VILL: variants seen among roughly 807,000 people sequenced by gnomAD.
The protein encoded by VILL is villin-like protein.
In VILL, 102 loss-of-function variants were observed where a neutral mutation model predicts 106.3. The ratio of observed to expected loss-of-function variants is 0.96; its 90% CI spans 0.82 to 1.13. VILL has a LOEUF of 1.13. Ranked by LOEUF, VILL falls within the 50% of genes most tolerant of loss-of-function variation. The pLI is 0.00. For missense variants in VILL, 1,076 were observed against 1,116.6 expected (o/e 0.96, Z 0.52); for synonymous variants, 431 against 440.3 (o/e 0.98, Z 0.27).
In VILL at chr3:38,001,686, C is replaced by T. The variant is rs775291176; in HGVS notation, c.1321-16C>T. The T allele has an allele frequency of 6.2e-7, 1 of 1,614,060 alleles. No individual in the cohort carries two copies. Among genetic ancestry groups the T allele is most frequent in the South Asian group, 1.1e-5 (1 of 91,088 alleles). On this transcript the variant is annotated splice_polypyrimidine_tract_variant and intron_variant, in intron 12 of 19. Coordinates refer to ENST00000383759, the MANE Select transcript of VILL (RefSeq NM_015873.4). ...GAGAGCTGGGCCAGGCCCTCACTCA[C>T]TGCCCCCACCTGCAGGGCCACCAGG...
Position 37,999,385 on chromosome 3 carries a change from G to A in VILL, c.1128G>A (p.Gln376=). The change falls in exon 11 of 20, where the codon CAG becomes CAA. Residue 376 remains glutamine (Q), a synonymous_variant. Transcript: ENST00000383759. Reference sequence around the variant, plus strand: ...TGGACGTGGGCAAGCTGCACACCCAGCCTAAGTTAGCGGCCCAGCTCAGGA... The same window carrying A: ...TGGACGTGGGCAAGCTGCACACCCAACCTAAGTTAGCGGCCCAGCTCAGGA... ...VKLDVGKLHT[Q]PKLAAQLRMV... 6.6e-7 allele frequency: 1 copy of A among 1,507,034 alleles called. No individual in the cohort carries two copies. 93.4% of individuals were successfully genotyped at this position (1,507,034 alleles called of 1,614,324 possible). A position where few individuals can be genotyped will look rare whatever the true frequency, so the allele number is the denominator to read the frequency against.
intron 15 of VILL, 63 bp downstream of exon 15, chr3:38,003,376 T>G (rs1575339537): frequency 2.0e-6 from 3 of 1,489,902 alleles, no homozygotes; most frequent in Non-Finnish European, 2.7e-6. Flanking sequence ...GAGAGGAGGG[T>G]GGGTGACTGG....
At chr3:38,002,667 TC>T in intron 14 of VILL, 92 bp downstream of exon 14, 1 of 1,423,400 alleles carries the variant, frequency 7.0e-7, no homozygotes, top group Non-Finnish European at 9.5e-7. Context: ...AGACTTTGAG[TC>T]CAGCCTCAGA....
In VILL at chr3:37,999,014, G is replaced by A. The variant is rs754031263; in HGVS notation, c.1045G>A (p.Glu349Lys). ...CAAGCAGCTCTTCCGGACTTGGTCT[G>A]AGAAGCGGCGCAGGAACCAGAAGCT... ...AFKQLFRTWS[E>K]KRRRNQKLGG... is the part of the protein sequence containing the mutation. Residue 349 changes from glutamate to lysine, a missense_variant, in exon 10 of 20, where the codon GAG becomes AAG. Glu to Lys is a moderately conservative substitution (Grantham distance 56). Transcript: ENST00000383759. 1.9e-6 allele frequency: 3 copies of A among 1,596,606 alleles called. No individual in the cohort carries two copies. The East Asian group carries it at 6.9e-5, about 37-fold the overall frequency.
At chr3:37,989,065 G>A (rs866463239), upstream of VILL, among the ~76,000 whole-genome samples, 1 of 152,162 alleles carries the variant, frequency 6.6e-6, no homozygotes, top group African/African-American at 2.4e-5. Flanking sequence ...GGCTGGCTCC[G>A]GAGCAGGCAG....
Position 37,997,089 on chromosome 3 carries a change from T to G in VILL, c.463T>G (p.Trp155Gly). Reference sequence around the variant, plus strand: ...CTGGCTCTGGCAGGTGGAGCTCTCCTGGAACAGCTTTAATAAGGGTGACAT... The same window carrying G: ...CTGGCTCTGGCAGGTGGAGCTCTCCGGGAACAGCTTTAATAAGGGTGACAT... ...HVSATEVELSWNSFNKGDIFL... is the reference protein window; with the variant it reads ...HVSATEVELSGNSFNKGDIFL... The change falls in exon 6 of 20, where the codon TGG becomes GGG. Residue 155 changes from tryptophan to glycine, a missense_variant. By Grantham distance (184) the Trp-to-Gly change is radical (BLOSUM62 -2). Coordinates refer to ENST00000383759, the MANE Select transcript of VILL (RefSeq NM_015873.4). This position sits in a 1 kb window ranked among gnomAD's most constrained non-coding sequence, Gnocchi z 4.7. 6.2e-7 allele frequency: 1 copy of G among 1,614,032 alleles called. No homozygotes were observed. The highest frequency in any genetic ancestry group is 8.5e-7 in the Non-Finnish European group (1 of 1,179,954).
At chr3:37,996,511 G>T (rs145110562) in intron 5 of VILL, among the ~76,000 whole-genome samples, 10 of 152,280 alleles carry the variant, frequency 6.6e-5, no homozygotes, top group African/African-American at 2.4e-4. Context: ...GGTGTACAAC[G>T]TCTACAGTGT....
At position 37,993,747 on chromosome 3, in the gene VILL, CA is replaced by C. The variant is rs1699645862; in HGVS notation, c.60+18del. On this transcript the variant is annotated intron_variant, in intron 2 of 19. Transcript: ENST00000383759. ...GGATCTCTGAGGTGAGAGGCACGAC[CA>C]AATAGGAGAGTTGGTGACATGGAAG... 7 of 1,613,630 alleles carry C rather than the reference CA, an allele frequency of 4.3e-6. No individual in the cohort carries two copies. The highest frequency in any genetic ancestry group is 5.9e-6 in the Non-Finnish European group (7 of 1,179,728).
chr3:38,000,682 G>T (rs983044547), intron 11 of VILL, among the ~76,000 whole-genome samples: 1 of 152,194 alleles, frequency 6.6e-6, no homozygotes, highest in Non-Finnish European at 1.5e-5. Context: ...GGTCCTGGCT[G>T]CCCGGTAATT....
At chr3:37,989,529 C>G (rs11715803), upstream of VILL, among the ~76,000 whole-genome samples, 30,703 of 152,048 alleles carry the variant, frequency 0.2, 3,501 homozygotes, top group African/African-American at 0.31. Context: ...GCTTGGTTGA[C>G]AGCGGGCATT....
rs747857766 is a variant in VILL at position 37,993,635 on chromosome 3, TGTTCCTTGTGTC to T, written c.-35_-24del. 20 of 1,606,252 alleles carry T rather than the reference TGTTCCTTGTGTC, an allele frequency of 1.2e-5. No individual in the cohort carries two copies. The Admixed American group carries it at 3.2e-4, about 26-fold the overall frequency. ...TCTCCAGCCTGAGAACTCTGGCTGT[TGTTCCTTGTGTC>T]GTCCCATATTCCTGCCTGGCCTGCG... is the stretch of plus-strand genomic sequence containing the variant. On this transcript the variant is annotated 5_prime_UTR_variant, in exon 2 of 20. Transcript: ENST00000383759.
At chr3:38,005,391 A>T (rs1468594032) in intron 16 of VILL, among the ~76,000 whole-genome samples, 2 of 152,042 alleles carry the variant, frequency 1.3e-5, no homozygotes, top group Non-Finnish European at 2.9e-5. Flanking sequence ...TGGTTAGGAC[A>T]CTTTTCCTCC....
At chr3:38,003,477 C>T in intron 15 of VILL, 164 bp downstream of exon 15, 5 of 939,040 alleles carry the variant, frequency 5.3e-6, no homozygotes, top group East Asian at 5.7e-5. Context: ...GCCCACGCTT[C>T]GCTCCCAGGC....
At chr3:37,996,861 G>A (rs1466307981) in intron 5 of VILL, among the ~76,000 whole-genome samples, 1 of 152,064 alleles carries the variant, frequency 6.6e-6, no homozygotes, top group Non-Finnish European at 1.5e-5. Context: ...CTGTATACAT[G>A]TGTACATGTA....
In VILL at chr3:37,995,729, C is replaced by T. The variant is rs768058102; in HGVS notation, c.342-10C>T. On this transcript the variant is annotated splice_polypyrimidine_tract_variant and intron_variant, in intron 4 of 19. Coordinates refer to ENST00000383759, the MANE Select transcript of VILL (RefSeq NM_015873.4). ...AGAATGTATATACCCTCCTGCTATT[C>T]CCACCTCAGCTACAGGAAGGGAGGC... The T allele has an allele frequency of 1.2e-5, 19 of 1,609,876 alleles. No homozygotes were observed. The highest frequency in any genetic ancestry group is 5.0e-5 in the Admixed American group (3 of 59,964).
At position 37,998,667 on chromosome 3, in the gene VILL, T is replaced by G. The variant is rs370937657; in HGVS notation, c.943-245T>G. Among the ~76,000 whole-genome samples, 163 of 152,212 alleles carry G rather than the reference T, an allele frequency of 1.1e-3. 4 individuals carry two copies. The South Asian group carries it at 0.033, about 31-fold the overall frequency. On this transcript the variant is annotated intron_variant, in intron 9 of 19. Transcript: ENST00000383759. The surrounding 1 kb of genome is among the most constrained non-coding windows in gnomAD (Gnocchi z 4.1). ...GGGCTGGGGAGGAGACAGGGCTCTCTCTGTCTGGGGTCCGTGAGGGTTGAC... is the reference window on the plus strand; with the variant it reads ...GGGCTGGGGAGGAGACAGGGCTCTCGCTGTCTGGGGTCCGTGAGGGTTGAC...
intron 16 of VILL, among the ~76,000 whole-genome samples, 169 bp downstream of exon 16, chr3:38,004,568 G>T (rs1437299080): frequency 6.6e-6 from 1 of 152,212 alleles, no homozygotes; most frequent in Non-Finnish European, 1.5e-5. Context: ...ATGGATGAGT[G>T]TGCATCACCA....
intron 4 of VILL, among the ~76,000 whole-genome samples, 187 bp from the exon 5 acceptor site, chr3:37,995,548 AAATG>A (rs1699685088): frequency 6.6e-6 from 1 of 152,376 alleles, no homozygotes; most frequent in African/African-American, 2.4e-5. Flanking sequence ...CTACACATGG[AAATG>A]AATGCACACT....
At chr3:38,006,848 C>T (rs921089326) in intron 19 of VILL, 94 bp from the exon 20 acceptor site, 2 of 1,513,938 alleles carry the variant, frequency 1.3e-6, no homozygotes, top group Non-Finnish European at 1.8e-6. Flanking sequence ...ATGCGGGAGT[C>T]CCAAGCCCTG....
Sources: gnomAD v4.1 joint callset for allele counts (sites outside exome capture counted in the v4.1 genomes callset) on GRCh38, gnomAD v4.1.1 for gene constraint, Gnocchi (gnomAD v3.1) non-coding constraint, MANE v1.5 for transcripts, NCBI Gene and HGNC (gene_info 2026-07-23, HGNC 2026-07-21) for gene names.